The following MAN1A2 variants were observed in gnomAD, a reference collection of about 807,000 sequenced individuals.
MAN1A2 encodes mannosidase alpha class 1A member 2.
A neutral mutation model predicts 75.7 loss-of-function variants in MAN1A2; 26 were observed. The ratio of observed to expected loss-of-function variants is 0.34; its 90% confidence interval spans 0.25 to 0.48. The LOEUF (loss-of-function observed/expected upper bound fraction) is 0.48, where lower values mean the gene tolerates loss of function less well. Among genes scored for constraint, MAN1A2 ranks in the 20% least tolerant of loss-of-function variants. MAN1A2 has a pLI of 0.99. For missense variants in MAN1A2, 562 were observed against 775.5 expected (o/e 0.72, Z 3.27); for synonymous variants, 247 against 264.6 (o/e 0.93, Z 0.65).
chr1:117,368,606 ATTG>A lies in MAN1A2; in HGVS notation c.302+124_302+126del, dbSNP rs1652850347. ...TAATTTTTCGAGTCATAAATATTGT[ATTG>A]TTACTTCAAGACTGGCTGAATAAAA... is the stretch of plus-strand genomic sequence containing the variant. On this transcript the variant is annotated intron_variant, in intron 1 of 12. Coordinates refer to ENST00000356554, the MANE Select transcript of MAN1A2 (RefSeq NM_006699.5). 1.1e-5 allele frequency: 10 copies of A among 885,558 alleles called. No individual in the cohort carries two copies. In the South Asian group the frequency reaches 1.7e-4, roughly 15 times the overall value. 54.9% of individuals were successfully genotyped at this position (885,558 alleles called of 1,614,324 possible). A position where few individuals can be genotyped will look rare whatever the true frequency, so the allele number is the denominator to read the frequency against.
At chr1:117,501,913 TACC>T (rs1651213536) in intron 11 of MAN1A2, among the ~76,000 whole-genome samples, 1 of 151,794 alleles carries the variant, frequency 6.6e-6, no homozygotes, top group Non-Finnish European at 1.5e-5. Context: ...AAAACAAAAC[TACC>T]ACATGTGCTT....
At chr1:117,404,103 T>C (rs1372562581) in intron 2 of MAN1A2, among the ~76,000 whole-genome samples, 1 of 152,190 alleles carries the variant, frequency 6.6e-6, no homozygotes, top group Non-Finnish European at 1.5e-5. Context: ...TAGTCTTATA[T>C]TCCTGGGTTA....
At chr1:117,405,678 T>A (rs762856072) in intron 3 of MAN1A2, 33 bp downstream of exon 3, 2 of 1,154,416 alleles carry the variant, frequency 1.7e-6, no homozygotes, top group Non-Finnish European at 2.6e-6. Context: ...CTATTTCCAT[T>A]TTCTACCTCC....
chr1:117,501,013 G>A lies in MAN1A2; in HGVS notation c.1677+1459G>A, dbSNP rs566713355. On this transcript the variant is annotated intron_variant, in intron 11 of 12. Coordinates refer to ENST00000356554, the MANE Select transcript of MAN1A2 (RefSeq NM_006699.5). ...AGGGGGATATGTCTGAATCACGTGA[G>A]GAGTGGAAAGTGGTGGCAGAAGCAC... Among the ~76,000 whole-genome samples the A allele has an allele frequency of 6.6e-5, 10 of 151,942 alleles. No homozygotes were observed. The East Asian group carries it at 1.8e-3, about 27-fold the overall frequency.
Position 117,528,143 on chromosome 1 carries a change from C to A in MAN1A2, c.*5186C>A, listed in dbSNP as rs1553243653. On this transcript the variant is annotated 3_prime_UTR_variant, in exon 13 of 13. Coordinates refer to ENST00000356554, the MANE Select transcript of MAN1A2 (RefSeq NM_006699.5). The stretch of plus-strand genomic sequence containing the variant: ...TATTTAACAGCTAATCCATTTCAAA[C>A]TTGGTTTGAGCCTAGCAATTGCAGA... 6.6e-6 allele frequency: 1 copy of A among 152,050 alleles called. No individual in the cohort carries two copies. Among genetic ancestry groups the A allele is most frequent in the Non-Finnish European group, 1.5e-5 (1 of 67,984 alleles). 9.4% of individuals were successfully genotyped at this position (152,050 alleles called of 1,614,324 possible).
chr1:117,455,946 G>C (rs1301930795), intron 6 of MAN1A2, among the ~76,000 whole-genome samples: 4 of 151,938 alleles, frequency 2.6e-5, no homozygotes, highest in Non-Finnish European at 4.4e-5. Context: ...GTCAAACAAG[G>C]AAGTTTTTAC....
At chr1:117,388,207 C>G (rs1464592340) in intron 1 of MAN1A2, among the ~76,000 whole-genome samples, 5 of 152,046 alleles carry the variant, frequency 3.3e-5, no homozygotes, top group African/African-American at 9.7e-5. Context: ...AAATTAGAGA[C>G]ACTTGAAGAG....
intron 8 of MAN1A2, among the ~76,000 whole-genome samples, chr1:117,485,624 C>A (rs1650646959): frequency 6.6e-6 from 1 of 151,808 alleles, no homozygotes; most frequent in African/African-American, 2.4e-5. Context: ...ACAGCAAAAA[C>A]CAGATATTTA....
chr1:117,451,705 G>T lies in MAN1A2; in HGVS notation c.951-8784G>T, dbSNP rs147540197. Among the ~76,000 whole-genome samples, 583 of 152,356 alleles carry T rather than the reference G, an allele frequency of 3.8e-3. 7 individuals are homozygous for T. The highest frequency in any genetic ancestry group is 0.013 in the African/African-American group (554 of 41,590). On this transcript the variant is annotated intron_variant, in intron 6 of 12. Coordinates refer to ENST00000356554, the MANE Select transcript of MAN1A2 (RefSeq NM_006699.5). ...GCTCTTTTCTCTTGTCTGCCACCAT[G>T]TGAGATGTGCCTTTCACCTTCCACC...
chr1:117,417,919 A>C (rs1648061739), intron 4 of MAN1A2, among the ~76,000 whole-genome samples: 1 of 151,976 alleles, frequency 6.6e-6, no homozygotes, highest in East Asian at 1.9e-4. Flanking sequence ...AACTCTACAG[A>C]AAATAAATCC....
At chr1:117,479,369 C>T (rs1347500188) in intron 8 of MAN1A2, among the ~76,000 whole-genome samples, 1 of 151,846 alleles carries the variant, frequency 6.6e-6, no homozygotes, top group Non-Finnish European at 1.5e-5. Flanking sequence ...AGGTTGATTC[C>T]ATGTCTTCAC....
intron 7 of MAN1A2, among the ~76,000 whole-genome samples, chr1:117,465,815 G>A (rs190979745): frequency 2.6e-5 from 4 of 152,032 alleles, no homozygotes; most frequent in Admixed American, 2.6e-4. Context: ...TTAAAATTTG[G>A]AATTTCAGGA....
chr1:117,499,300 G>A (rs2101879293), intron 10 of MAN1A2, 82 bp from the exon 11 acceptor site: 3 of 991,086 alleles, frequency 3.0e-6, no homozygotes, highest in Non-Finnish European at 4.2e-6. Flanking sequence ...TTCATATTCT[G>A]TTCTTTCAGG....
At chr1:117,375,500 T>TA (rs1330818367) in intron 1 of MAN1A2, among the ~76,000 whole-genome samples, 8 of 152,130 alleles carry the variant, frequency 5.3e-5, no homozygotes, top group African/African-American at 1.9e-4. Context: ...TTTGACTTTT[T>TA]AAAAAAATAT....
rs79539173 is a variant in MAN1A2, at chr1:117,460,927, A to G, written c.1074+315A>G. On this transcript the variant is annotated intron_variant, in intron 7 of 12. Transcript: ENST00000356554. Reference sequence around the variant, plus strand: ...AGAAAAACAAAATAACCAGATGTTTAGGAATTGAAAAGGAGGAAAGAAAAC... The same window carrying G: ...AGAAAAACAAAATAACCAGATGTTTGGGAATTGAAAAGGAGGAAAGAAAAC... Among the ~76,000 whole-genome samples the G allele has an allele frequency of 5.7e-3, 873 of 152,350 alleles. 46 individuals are homozygous for G. In the East Asian group the frequency reaches 0.13, roughly 22 times the overall value.
At chr1:117,511,465 A>G (rs748585742) in intron 12 of MAN1A2, among the ~76,000 whole-genome samples, 5 of 151,374 alleles carry the variant, frequency 3.3e-5, no homozygotes, top group Admixed American at 6.6e-5. Context: ...ATGAGTCATC[A>G]TGCTCAGCCT....
At chr1:117,473,983 G>A (rs1165411763) in intron 8 of MAN1A2, among the ~76,000 whole-genome samples, 2 of 151,884 alleles carry the variant, frequency 1.3e-5, no homozygotes. Context: ...AAGTTGACAG[G>A]CAGTGTTGAG....
At position 117,471,953 on chromosome 1, in the gene MAN1A2, A is replaced by C. The variant is rs1021101470; in HGVS notation, c.1168+5526A>C. Reference sequence around the variant, plus strand: ...AAAACTGTCTATAAAATACATTGTAATAAATAGGCTAAATTAGGAAAAGGA... The same window carrying C: ...AAAACTGTCTATAAAATACATTGTACTAAATAGGCTAAATTAGGAAAAGGA... On this transcript the variant is annotated intron_variant, in intron 8 of 12. Transcript: ENST00000356554. 1.5e-4 allele frequency among the ~76,000 whole-genome samples: 23 copies of C among 151,950 alleles called. 1 individual carries two copies. The highest frequency in any genetic ancestry group is 1.5e-3 in the Admixed American group (23 of 15,222).
In MAN1A2 at chr1:117,512,504, A is replaced by G. The variant is rs373903281; in HGVS notation, c.1793+9534A>G. Reference sequence around the variant, plus strand: ...GATGCTGCTGGTCTGGGGGAATCACACTTTGATAACCACTGACATCTGTGA... The same window carrying G: ...GATGCTGCTGGTCTGGGGGAATCACGCTTTGATAACCACTGACATCTGTGA... On this transcript the variant is annotated intron_variant, in intron 12 of 12. Coordinates refer to ENST00000356554, the MANE Select transcript of MAN1A2 (RefSeq NM_006699.5). Among the ~76,000 whole-genome samples the G allele has an allele frequency of 1.1e-4, 16 of 152,192 alleles. No homozygotes were observed. In the East Asian group the frequency reaches 2.3e-3, roughly 22 times the overall value.
Sources: allele counts gnomAD v4.1 joint callset (sites outside exome capture counted in the v4.1 genomes callset), GRCh38; gene constraint gnomAD v4.1.1; transcripts MANE v1.5; gene names NCBI Gene and HGNC (gene_info 2026-07-23, HGNC 2026-07-21).